The following ZNF490 variants were observed in gnomAD, a reference collection of about 807,000 sequenced individuals.
The protein encoded by ZNF490 is zinc finger protein 490.
In ZNF490, 11 loss-of-function variants were observed where a neutral mutation model predicts 17.7. That is an observed-to-expected ratio of 0.62 (90% CI 0.39 to 1.03). ZNF490 has a LOEUF of 1.03. Ranked by LOEUF, ZNF490 falls within the 50% of genes least tolerant of loss-of-function variation. The probability of loss-of-function intolerance (pLI) is 0.00; values close to 1 mark genes in which losing one functional copy is unlikely to be tolerated. For missense variants in ZNF490, 542 were observed against 643.4 expected (o/e 0.84, Z 1.71); for synonymous variants, 222 against 216.1 (o/e 1.03, Z -0.24).
At chr19:12,610,096 G>A (rs993732750) in intron 1 of ZNF490, 9 of 392,602 alleles carry the variant, frequency 2.3e-5, no homozygotes, top group Middle Eastern at 9.1e-4. Context: ...TACTGAGCAC[G>A]TCTCATAGAT....
Position 12,581,312 on chromosome 19 carries a change from A to G in ZNF490, c.763T>C (p.Cys255Arg). Residue 255 changes from cysteine (C) to arginine (R), a missense_variant, in exon 5 of 5, where the codon TGT becomes CGT. Coordinates refer to ENST00000311437, the MANE Select transcript of ZNF490 (RefSeq NM_020714.3). Reference sequence around the variant, plus strand: ...GTGAGATATCTGAATGCCTTCCCACATTCCTTACATTCATAGGGTGTCTCT... The same window carrying G: ...GTGAGATATCTGAATGCCTTCCCACGTTCCTTACATTCATAGGGTGTCTCT... ...TGETPYECKE[C>R]GKAFRYLTAL... 6.2e-7 allele frequency: 1 copy of G among 1,614,132 alleles called. No individual in the cohort carries two copies. The highest frequency in any genetic ancestry group is 8.5e-7 in the Non-Finnish European group (1 of 1,180,016).
Position 12,581,723 on chromosome 19 carries a change from T to C in ZNF490, c.352A>G (p.Ser118Gly). Residue 118 changes from serine (S) to glycine (G), a missense_variant and splice_region_variant, in exon 5 of 5, where the codon AGT becomes GGT. Ser to Gly is a moderately conservative substitution (Grantham distance 56). Coordinates refer to ENST00000311437, the MANE Select transcript of ZNF490 (RefSeq NM_020714.3). ...EHKNQGRNLR[S>G]PMVEALCENK... ...TCACAGAGTGCTTCAACCATAGGAC[T>C]TCTGTAAAGAATGAGTACCGTATTA... 1 of 1,600,440 alleles carries C rather than the reference T, an allele frequency of 6.2e-7. No homozygotes were observed. The highest frequency in any genetic ancestry group is 8.5e-7 in the Non-Finnish European group (1 of 1,173,256).
At chr19:12,607,094 C>T (rs1336839493) in intron 2 of ZNF490, among the ~76,000 whole-genome samples, 10 of 152,144 alleles carry the variant, frequency 6.6e-5, no homozygotes, top group African/African-American at 2.4e-4. Flanking sequence ...ACCATCCCAA[C>T]ACTGGGAGGC....
In ZNF490 at chr19:12,587,019, G is replaced by A. The variant is rs1339482476; in HGVS notation, c.163-3463C>T. 6.9e-5 allele frequency among the ~76,000 whole-genome samples: 6 copies of A among 86,616 alleles called. 2 individuals carry two copies. The highest frequency in any genetic ancestry group is 1.0e-4 in the African/African-American group (3 of 28,692). The allele number at this position is 86,616 out of a possible 152,430, so 56.8% of individuals were successfully genotyped here. A position where few individuals can be genotyped will look rare whatever the true frequency, so the allele number is the denominator to read the frequency against. On this transcript the variant is annotated intron_variant, in intron 2 of 4. Coordinates refer to ENST00000311437, the MANE Select transcript of ZNF490 (RefSeq NM_020714.3). ...GCAGAGGTTGCAGTGAGGCGAGATC[G>A]CGCCATGGCTCTCCAGCCTGGGCAA...
At chr19:12,609,230 G>T in intron 1 of ZNF490, 28 bp from the exon 2 acceptor site, 1 of 1,610,756 alleles carries the variant, frequency 6.2e-7, no homozygotes, top group Non-Finnish European at 8.5e-7. Context: ...GATGCATTTT[G>T]TGAGTTTCAG....
chr19:12,592,716 C>G (rs141771723), intron 2 of ZNF490, among the ~76,000 whole-genome samples: 169 of 152,260 alleles, frequency 1.1e-3, no homozygotes, highest in Non-Finnish European at 1.9e-3. Flanking sequence ...ACTGTGGACT[C>G]TGAGGCATCA....
At chr19:12,604,420 G>C (rs1243761244) in intron 2 of ZNF490, among the ~76,000 whole-genome samples, 1 of 152,136 alleles carries the variant, frequency 6.6e-6, no homozygotes, top group East Asian at 1.9e-4. Context: ...GGGAGGACAA[G>C]GTGGGCGGAT....
chr19:12,578,724 T>C lies in ZNF490; in HGVS notation c.*1761A>G. On this transcript the variant is annotated 3_prime_UTR_variant, in exon 5 of 5. Transcript: ENST00000311437. Reference sequence around the variant, plus strand: ...CTTAAAAGGCAGATTCTGGGAGTCTTCTCACTTCTCTCCAGTCATGTGTGA... The same window carrying C: ...CTTAAAAGGCAGATTCTGGGAGTCTCCTCACTTCTCTCCAGTCATGTGTGA... 1 of 985,436 alleles carries C rather than the reference T, an allele frequency of 1.0e-6. No individual in the cohort carries two copies. Among genetic ancestry groups the C allele is most frequent in the Non-Finnish European group, 1.2e-6 (1 of 829,952 alleles). 61.0% of individuals were successfully genotyped at this position (985,436 alleles called of 1,614,324 possible).
Position 12,606,775 on chromosome 19 carries a change from C to T in ZNF490, c.162+2383G>A, listed in dbSNP as rs375650760. On this transcript the variant is annotated intron_variant, in intron 2 of 4. Coordinates refer to ENST00000311437, the MANE Select transcript of ZNF490 (RefSeq NM_020714.3). ...AGGCCTAAAAGTCCATGACCATTCACAAGTATCATTTCCATATGGTAGATT... is the reference window on the plus strand; with the variant it reads ...AGGCCTAAAAGTCCATGACCATTCATAAGTATCATTTCCATATGGTAGATT... 2.9e-3 allele frequency among the ~76,000 whole-genome samples: 434 copies of T among 152,144 alleles called. 3 individuals carry two copies. Among genetic ancestry groups the T allele is most frequent in the Non-Finnish European group, 5.3e-3 (359 of 68,016 alleles).
intron 1 of ZNF490, chr19:12,609,954 A>G (rs1340279441): frequency 2.2e-6 from 1 of 455,310 alleles, no homozygotes; most frequent in South Asian, 1.6e-5. Flanking sequence ...ACGTAACACA[A>G]GTGCATTTGT....
intron 2 of ZNF490, among the ~76,000 whole-genome samples, chr19:12,601,124 T>C (rs542503503): frequency 1.8e-4 from 27 of 151,466 alleles, no homozygotes; most frequent in South Asian, 2.1e-4. Context: ...TGCGTTGGCT[T>C]ACGCCTGTAA....
chr19:12,593,529 C>T (rs183746171), intron 2 of ZNF490, among the ~76,000 whole-genome samples: 5 of 152,090 alleles, frequency 3.3e-5, no homozygotes, highest in African/African-American at 9.7e-5. Flanking sequence ...CAATTACAGG[C>T]GTGAGCCACC....
At chr19:12,594,288 A>G (rs1466434709) in intron 2 of ZNF490, among the ~76,000 whole-genome samples, 1 of 152,030 alleles carries the variant, frequency 6.6e-6, no homozygotes, top group Non-Finnish European at 1.5e-5. Flanking sequence ...CAATACGGTA[A>G]AACCCCGTCT....
At chr19:12,590,562 TAAGAAA>T (rs1306860958) in intron 2 of ZNF490, among the ~76,000 whole-genome samples, 9 of 151,700 alleles carry the variant, frequency 5.9e-5, no homozygotes, top group East Asian at 1.9e-4. Context: ...ACAGTGAAAC[TAAGAAA>T]AAGAAAAAGA....
chr19:12,604,803 G>A (rs1339994257), intron 2 of ZNF490, among the ~76,000 whole-genome samples: 13 of 149,334 alleles, frequency 8.7e-5, no homozygotes, highest in African/African-American at 3.0e-4. Flanking sequence ...CAGCCTGGGC[G>A]ACAAGAGCAA....
At position 12,580,694 on chromosome 19, in the gene ZNF490, G is replaced by A. The variant is rs1294155092; in HGVS notation, c.1381C>T (p.Leu461Phe). 3 of 1,614,098 alleles carry A rather than the reference G, an allele frequency of 1.9e-6. No homozygotes were observed. The highest frequency in any genetic ancestry group is 1.7e-6 in the Non-Finnish European group (2 of 1,179,996). The change falls in exon 5 of 5, where the codon CTT becomes TTT. Residue 461 changes from leucine (L) to phenylalanine (F), a missense_variant. By Grantham distance (22) the Leu-to-Phe change is conservative. Transcript: ENST00000311437. ...GTGTGACTTCTTTCGTGCCTTCGAAGGTGACTGAAGTAAATGAAGACCCGA... is the reference window on the plus strand; with the variant it reads ...GTGTGACTTCTTTCGTGCCTTCGAAAGTGACTGAAGTAAATGAAGACCCGA... Reference protein sequence around the residue: ...CGRVFIYFSHLRRHERSHTGV... With the variant: ...CGRVFIYFSHFRRHERSHTGV...
intron 1 of ZNF490, 85 bp from the exon 2 acceptor site, chr19:12,609,287 C>T (rs2023113633): frequency 1.7e-6 from 2 of 1,159,656 alleles, no homozygotes; most frequent in South Asian, 1.3e-5. Flanking sequence ...AAGCATTGTT[C>T]CCCCTGCATC....
chr19:12,580,879 A>C lies in ZNF490; in HGVS notation c.1196T>G (p.Phe399Cys). The stretch of plus-strand genomic sequence containing the variant: ...CAACTGAAGGTAACTTGAAGAATTG[A>C]AGGCTTTACCACATTGTTTACATTC... Reference protein sequence around the residue: ...PYECKQCGKAFNSSSYLQLHE... With the variant: ...PYECKQCGKACNSSSYLQLHE... Residue 399 changes from phenylalanine (F) to cysteine (C), a missense_variant, in exon 5 of 5, where the codon TTC (phenylalanine) becomes TGC (cysteine). Coordinates refer to ENST00000311437, the MANE Select transcript of ZNF490 (RefSeq NM_020714.3). 1 of 1,614,172 alleles carries C rather than the reference A, an allele frequency of 6.2e-7. No homozygotes were observed. The highest frequency in any genetic ancestry group is 8.5e-7 in the Non-Finnish European group (1 of 1,180,010).
Position 12,576,870 on chromosome 19 carries a change from AATATAT to A in ZNF490, c.*3609_*3614del, listed in dbSNP as rs759088251. 6.6e-6 allele frequency among the ~76,000 whole-genome samples: 1 copy of A among 151,486 alleles called. No individual in the cohort carries two copies. The highest frequency in any genetic ancestry group is 1.5e-5 in the Non-Finnish European group (1 of 67,928). ...CATTCCATATTTAAAAATATATATA[AATATAT>A]ATACACACAGCCCTCTAGACAAATA... is the stretch of plus-strand genomic sequence containing the variant. On this transcript the variant is annotated 3_prime_UTR_variant, in exon 5 of 5. Coordinates refer to ENST00000311437, the MANE Select transcript of ZNF490 (RefSeq NM_020714.3).
Sources: gnomAD v4.1 joint callset for allele counts (sites outside exome capture counted in the v4.1 genomes callset) on GRCh38, gnomAD v4.1.1 for gene constraint, MANE v1.5 for transcripts, NCBI Gene and HGNC (gene_info 2026-07-23, HGNC 2026-07-21) for gene names.